The following DAB1 variants were observed in gnomAD, a reference collection of about 807,000 sequenced individuals.
DAB1 encodes disabled homolog 1.
Under a neutral mutation model 64.6 loss-of-function variants are expected in DAB1, and 15 were observed. The ratio of observed to expected loss-of-function variants is 0.23; its 90% CI spans 0.16 to 0.36. The LOEUF is 0.36. Ranked by LOEUF, DAB1 falls within the 10% of genes least tolerant of loss-of-function variation. The probability of loss-of-function intolerance (pLI) is 1.00; values close to 1 mark genes in which losing one functional copy is unlikely to be tolerated. For synonymous variants in DAB1, 235 were observed against 251.9 expected (o/e 0.93, Z 0.64); for missense variants, 596 against 706.7 (o/e 0.84, Z 1.78).
At chr1:58,530,571 G>C (rs777754801) in intron 1 of DAB1, 2 of 860,198 alleles carry the variant, frequency 2.3e-6, no homozygotes, top group Non-Finnish European at 2.0e-6. Flanking sequence ...CAGAGGCTAT[G>C]ATCAATTCAA....
intron 3 of DAB1, among the ~76,000 whole-genome samples, chr1:58,486,563 C>T (rs1442808442): frequency 2.0e-5 from 3 of 152,172 alleles, no homozygotes; most frequent in East Asian, 1.9e-4. Context: ...ATTCACTAAT[C>T]ATCTCAACTT....
chr1:57,650,430 G>A (rs1646242919), intron 6 of DAB1, among the ~76,000 whole-genome samples: 1 of 149,886 alleles, frequency 6.7e-6, no homozygotes, highest in Admixed American at 6.8e-5. Context: ...TCATCATAGG[G>A]TTATTTGTAA....
chr1:58,393,615 T>C (rs1273391057), intron 3 of DAB1, among the ~76,000 whole-genome samples: 1 of 152,188 alleles, frequency 6.6e-6, no homozygotes, highest in Non-Finnish European at 1.5e-5. Context: ...CATGAAGAAC[T>C]TACTTTGAAA....
chr1:57,029,657 C>G (rs562835829), intron 9 of DAB1, among the ~76,000 whole-genome samples: 3 of 152,200 alleles, frequency 2.0e-5, no homozygotes, highest in Non-Finnish European at 4.4e-5. Context: ...TCAGCGTGAC[C>G]TGGATGTGAG....
At chr1:58,358,444 A>G (rs190116763) in intron 3 of DAB1, among the ~76,000 whole-genome samples, 1 of 152,352 alleles carries the variant, frequency 6.6e-6, no homozygotes, top group East Asian at 1.9e-4. Flanking sequence ...ACCAACATCT[A>G]GTTAAGGGAA....
chr1:57,759,128 C>T (rs1478457715), intron 6 of DAB1, among the ~76,000 whole-genome samples: 1 of 151,866 alleles, frequency 6.6e-6, no homozygotes, highest in Non-Finnish European at 1.5e-5. Context: ...GATACCCAGC[C>T]AGGAAAATGA....
intron 7 of DAB1, among the ~76,000 whole-genome samples, chr1:57,499,889 G>T (rs1644271224): frequency 6.6e-6 from 1 of 152,178 alleles, no homozygotes; most frequent in African/African-American, 2.4e-5. Context: ...TTGAAGGAAG[G>T]AGGCGTAACT....
At chr1:57,597,656 T>C (rs1277490583) in intron 7 of DAB1, among the ~76,000 whole-genome samples, 3 of 152,250 alleles carry the variant, frequency 2.0e-5, no homozygotes, top group African/African-American at 7.2e-5. Context: ...TAACTTCTAC[T>C]GCACCCTTAG....
intron 5 of DAB1, among the ~76,000 whole-genome samples, chr1:58,009,711 T>C (rs1335232908): frequency 2.0e-5 from 3 of 152,220 alleles, no homozygotes; most frequent in Non-Finnish European, 4.4e-5. Flanking sequence ...TGTGTTCTAC[T>C]TATCTCTGAC....
chr1:57,735,689 A>T (rs1268951112), intron 6 of DAB1, among the ~76,000 whole-genome samples: 3 of 143,088 alleles, frequency 2.1e-5, no homozygotes. Context: ...ATTTCCTGGT[A>T]TAGTTGAAAA....
At chr1:57,798,903 G>A (rs116312665) in intron 6 of DAB1, among the ~76,000 whole-genome samples, 1,677 of 152,280 alleles carry the variant, frequency 0.011, 16 homozygotes, top group Non-Finnish European at 0.015. Context: ...ACACATTCAT[G>A]CACATAATGG....
intron 1 of DAB1, among the ~76,000 whole-genome samples, chr1:57,413,259 T>C (rs1684247959): frequency 6.6e-6 from 1 of 152,200 alleles, no homozygotes; most frequent in African/African-American, 2.4e-5. Context: ...AATGAAGACA[T>C]ACAAGGAAAT....
chr1:57,020,457 A>G (rs1324074528), intron 11 of DAB1, among the ~76,000 whole-genome samples: 1 of 151,974 alleles, frequency 6.6e-6, no homozygotes, highest in Non-Finnish European at 1.5e-5. Context: ...GGCTCAGAAG[A>G]TATTTATCTG....
chr1:57,685,363 G>A (rs188419695), intron 6 of DAB1, among the ~76,000 whole-genome samples: 92 of 151,962 alleles, frequency 6.1e-4, no homozygotes, highest in Middle Eastern at 6.8e-3. Context: ...AAAGACTTAA[G>A]TCTCCTAAAT....
chr1:57,749,516 A>G (rs1648453096), intron 6 of DAB1, among the ~76,000 whole-genome samples: 1 of 152,184 alleles, frequency 6.6e-6, no homozygotes. Context: ...ACAGTTGGGG[A>G]TGGTGACAAT....
chr1:58,156,598 T>C (rs1042680544), intron 4 of DAB1, among the ~76,000 whole-genome samples: 8 of 152,188 alleles, frequency 5.3e-5, no homozygotes. Flanking sequence ...CATGGTATCA[T>C]ACAGACAGGG....
rs1645595672 is a variant in DAB1, at chr1:56,995,854, C to A, written c.*2290G>T. 6.6e-6 allele frequency: 1 copy of A among 152,234 alleles called. No homozygotes were observed. The highest frequency in any genetic ancestry group is 1.5e-5 in the Non-Finnish European group (1 of 68,042). 9.4% of individuals were successfully genotyped at this position (152,234 alleles called of 1,614,324 possible). On this transcript the variant is annotated 3_prime_UTR_variant, in exon 15 of 15. Coordinates refer to ENST00000371236, the MANE Select transcript of DAB1 (RefSeq NM_001365792.1). ...CTTATGGTCATTCCACCTTTCCCATCTTCCCGTTCATGTGAAAGGGTTACC... is the reference window on the plus strand; with the variant it reads ...CTTATGGTCATTCCACCTTTCCCATATTCCCGTTCATGTGAAAGGGTTACC...
At chr1:57,887,700 G>A (rs17579366), upstream of DAB1, among the ~76,000 whole-genome samples, 4,757 of 152,274 alleles carry the variant, frequency 0.031, 85 homozygotes, top group Middle Eastern at 0.048. Flanking sequence ...TATAAGCAGA[G>A]CATTATGGAG....
chr1:57,693,461 G>T, intron 6 of DAB1, among the ~76,000 whole-genome samples: 1 of 152,112 alleles, frequency 6.6e-6, no homozygotes, highest in East Asian at 1.9e-4. Flanking sequence ...CTAGCTAAAG[G>T]ATTGTAAATG....
Sources: gnomAD v4.1 joint callset for allele counts (sites outside exome capture counted in the v4.1 genomes callset) on GRCh38, gnomAD v4.1.1 for gene constraint, MANE v1.5 for transcripts, NCBI Gene and HGNC (gene_info 2026-07-23, HGNC 2026-07-21) for gene names.